The following RBM19 variants were observed in gnomAD, a reference collection of about 807,000 sequenced individuals.
RBM19 encodes RNA binding motif protein 19.
Under a neutral mutation model 116.8 loss-of-function variants are expected in RBM19, and 94 were observed. That is an observed-to-expected ratio of 0.80 (90% CI 0.68 to 0.95). The LOEUF is 0.95. Ranked by LOEUF, RBM19 falls within the 40% of genes least tolerant of loss-of-function variation. The pLI is 0.00. For missense variants in RBM19, 1,161 were observed against 1,220.7 expected (o/e 0.95, Z 0.73); for synonymous variants, 475 against 494.1 (o/e 0.96, Z 0.51).
chr12:113,869,262 A>G (rs573614249), intron 21 of RBM19, among the ~76,000 whole-genome samples: 2 of 152,306 alleles, frequency 1.3e-5, no homozygotes, highest in Admixed American at 6.5e-5. Context: ...TGATTCGTGG[A>G]ACTCTGAAGA....
chr12:113,917,919 C>G (rs1593582579), intron 20 of RBM19, among the ~76,000 whole-genome samples: 1 of 152,214 alleles, frequency 6.6e-6, no homozygotes, highest in South Asian at 2.1e-4. Context: ...CCATCTCTAA[C>G]ACCTACGGAA....
At chr12:113,928,349 AAACAAAC>A (rs1869295615) in intron 16 of RBM19, among the ~76,000 whole-genome samples, 2 of 149,934 alleles carry the variant, frequency 1.3e-5, no homozygotes, top group African/African-American at 4.9e-5. Flanking sequence ...AAATAAAACA[AAACAAAC>A]AACAACAACA....
chr12:113,847,500 G>T (rs1420621930), intron 22 of RBM19, among the ~76,000 whole-genome samples: 1 of 152,110 alleles, frequency 6.6e-6, no homozygotes, highest in Non-Finnish European at 1.5e-5. Context: ...GCAGAGAAAT[G>T]GCTTGACTGG....
At chr12:113,893,724 C>T (rs895448423) in intron 21 of RBM19, among the ~76,000 whole-genome samples, 19 of 152,154 alleles carry the variant, frequency 1.2e-4, no homozygotes, top group African/African-American at 2.4e-4. Context: ...AATCTAGATC[C>T]GTGCTGCCCA....
At chr12:113,959,944 A>T in intron 3 of RBM19, 41 bp from the exon 4 acceptor site, 1 of 1,613,996 alleles carries the variant, frequency 6.2e-7, no homozygotes. Flanking sequence ...CACACAGATG[A>T]AGAGAGCTGG....
intron 16 of RBM19, among the ~76,000 whole-genome samples, chr12:113,928,417 TACACACACAC>T (rs3066401): frequency 3.4e-4 from 47 of 136,342 alleles, no homozygotes; most frequent in Admixed American, 1.0e-3. Flanking sequence ...TACATGTGCA[TACACACACAC>T]ACACACACAC....
chr12:113,915,994 T>C (rs958760835), intron 20 of RBM19, among the ~76,000 whole-genome samples: 1 of 152,240 alleles, frequency 6.6e-6, no homozygotes, highest in African/African-American at 2.4e-5. Flanking sequence ...CACTGATCCC[T>C]GTGCTAGTAC....
intron 23 of RBM19, among the ~76,000 whole-genome samples, chr12:113,828,274 G>A (rs1477483936): frequency 1.3e-5 from 2 of 152,078 alleles, no homozygotes; most frequent in Non-Finnish European, 2.9e-5. Flanking sequence ...CGTTTCTCTT[G>A]AACCTGGAAT....
At chr12:113,840,367 C>T (rs1464237878) in intron 23 of RBM19, among the ~76,000 whole-genome samples, 1 of 152,208 alleles carries the variant, frequency 6.6e-6, no homozygotes, top group Non-Finnish European at 1.5e-5. Context: ...GTGGATGGGT[C>T]ACATCCAGGG....
At chr12:113,847,530 T>A (rs1269045063) in intron 22 of RBM19, among the ~76,000 whole-genome samples, 1 of 150,566 alleles carries the variant, frequency 6.6e-6, no homozygotes, top group Non-Finnish European at 1.5e-5. Context: ...GGTTTTAAGA[T>A]GGGGGAGAGG....
chr12:113,931,588 G>A (rs953092892), intron 16 of RBM19, among the ~76,000 whole-genome samples: 3 of 151,980 alleles, frequency 2.0e-5, no homozygotes, highest in African/African-American at 7.3e-5. Context: ...TCCCTGGCTC[G>A]CCACCTTCCC....
chr12:113,952,728 T>C (rs962781856), intron 7 of RBM19, 138 bp from the exon 8 acceptor site: 6 of 623,578 alleles, frequency 9.6e-6, no homozygotes, highest in Non-Finnish European at 1.7e-5. Context: ...CTTATACGTA[T>C]CGCTTCTCCA....
intron 21 of RBM19, among the ~76,000 whole-genome samples, chr12:113,863,672 C>G (rs1878585007): frequency 6.6e-6 from 1 of 152,144 alleles, no homozygotes; most frequent in Admixed American, 6.5e-5. Flanking sequence ...AACTTCTCCC[C>G]ACCTGCACCC....
intron 21 of RBM19, among the ~76,000 whole-genome samples, chr12:113,906,663 T>C (rs1882066274): frequency 6.6e-6 from 1 of 152,066 alleles, no homozygotes. Flanking sequence ...GCTCGGCATT[T>C]ACTGTCTCTG....
chr12:113,940,249 A>G (rs11066836), intron 14 of RBM19, 89 bp from the exon 15 acceptor site: 160,588 of 1,362,462 alleles, frequency 0.12, 11,462 homozygotes, highest in African/African-American at 0.32. Context: ...CTCTCCAGAC[A>G]AGGCTCTCCA....
At position 113,928,661 on chromosome 12, in the gene RBM19, G is replaced by GTGTGTC. The variant is rs1555242499; in HGVS notation, c.2069-1433_2069-1432insGACACA. On this transcript the variant is annotated intron_variant, in intron 16 of 23. Transcript: ENST00000261741. ...TGTGTGTGTGTGTGTGTGTGTGTGT[G>GTGTGTC]TCTGCAGCTCAGGGAGTTGGGAACA... 5.2e-3 allele frequency among the ~76,000 whole-genome samples: 775 copies of GTGTGTC among 149,500 alleles called. 10 individuals are homozygous for GTGTGTC. The highest frequency in any genetic ancestry group is 0.015 in the African/African-American group (627 of 40,928).
intron 21 of RBM19, among the ~76,000 whole-genome samples, chr12:113,896,795 A>G (rs1881364873): frequency 1.3e-5 from 2 of 152,198 alleles, no homozygotes; most frequent in Admixed American, 6.5e-5. Context: ...TGGCTCTATT[A>G]CAACAAAAGA....
chr12:113,850,944 G>C (rs1051313224), intron 22 of RBM19, among the ~76,000 whole-genome samples: 5 of 152,214 alleles, frequency 3.3e-5, no homozygotes, highest in African/African-American at 1.2e-4. Flanking sequence ...AAAAAATTGA[G>C]GCCAAGGACT....
At chr12:113,837,777 C>T (rs1248565042) in intron 23 of RBM19, among the ~76,000 whole-genome samples, 1 of 152,204 alleles carries the variant, frequency 6.6e-6, no homozygotes, top group Middle Eastern at 3.2e-3. Context: ...CTCTCTGTGC[C>T]TTAGTTTTCT....
Sources: allele counts gnomAD v4.1 joint callset (sites outside exome capture counted in the v4.1 genomes callset), GRCh38; gene constraint gnomAD v4.1.1; transcripts MANE v1.5; gene names NCBI Gene and HGNC (gene_info 2026-07-23, HGNC 2026-07-21).